WFDC9: variants seen among roughly 807,000 people sequenced by gnomAD.
WFDC9 encodes the protein protein WFDC9.
Under a neutral mutation model 9.5 loss-of-function variants are expected in WFDC9, and 9 were observed. That is an observed-to-expected ratio of 0.95 (90% CI 0.57 to 1.65). The LOEUF is 1.65. Among genes scored for constraint, WFDC9 ranks in the 40% most tolerant of loss-of-function variants. The pLI is 0.00. For synonymous variants in WFDC9, 33 were observed against 32.3 expected (o/e 1.02, Z -0.07); for missense variants, 87 against 106.7 (o/e 0.82, Z 0.81).
intron 1 of WFDC9, among the ~76,000 whole-genome samples, chr20:45,615,741 C>T (rs947622861): frequency 1.3e-5 from 2 of 151,606 alleles, no homozygotes; most frequent in Non-Finnish European, 1.5e-5. Context: ...AACTGTACCT[C>T]TTTCATATTC....
chr20:45,627,441 A>G (rs763325486), intron 1 of WFDC9, among the ~76,000 whole-genome samples: 4 of 152,176 alleles, frequency 2.6e-5, no homozygotes, highest in Non-Finnish European at 5.9e-5. Context: ...GTAAAGCCAT[A>G]TGGTTCTGGA....
intron 4 of WFDC9, among the ~76,000 whole-genome samples, chr20:45,608,348 C>G (rs1487320): frequency 0.45 from 67,628 of 151,858 alleles, 15,203 homozygotes; most frequent in Middle Eastern, 0.54. Context: ...GAGAGTAGAG[C>G]GCCCATGGAG....
At chr20:45,617,637 G>A (rs1485222295) in intron 1 of WFDC9, among the ~76,000 whole-genome samples, 1 of 152,110 alleles carries the variant, frequency 6.6e-6, no homozygotes, top group Non-Finnish European at 1.5e-5. Context: ...TAGGACTACA[G>A]ACACACACCA....
Position 45,610,158 on chromosome 20 carries a change from G to A in WFDC9, c.24C>T (p.Leu8=), listed in dbSNP as rs763465279. The change falls in exon 3 of 5, where the codon CTC becomes CTT. Residue 8 remains leucine, a synonymous_variant. Coordinates refer to ENST00000326000, the MANE Select transcript of WFDC9 (RefSeq NM_147198.4). ...TCACAACTCCAGAGATGAACATGAC[G>A]AGTAGAAGAATCCAGGGCTTCATGG... MKPWILL[L]VMFISGVVML... The A allele has an allele frequency of 1.4e-5, 23 of 1,614,052 alleles. No homozygotes were observed. Among genetic ancestry groups the A allele is most frequent in the Admixed American group, 5.0e-5 (3 of 60,010 alleles).
rs865790720 is a variant in WFDC9 at position 45,608,094 on chromosome 20, G to T, written c.*16C>A. 6.2e-7 allele frequency: 1 copy of T among 1,613,490 alleles called. No individual in the cohort carries two copies. The highest frequency in any genetic ancestry group is 1.1e-5 in the South Asian group (1 of 90,972). On this transcript the variant is annotated 3_prime_UTR_variant, in exon 5 of 5. Coordinates refer to ENST00000326000, the MANE Select transcript of WFDC9 (RefSeq NM_147198.4). ...TGGTCATCCTTCAGCCCACAGTAGT[G>T]ATCGGCCAATAGAATCTAGGGGTTT... is the stretch of plus-strand genomic sequence containing the variant.
intron 3 of WFDC9, among the ~76,000 whole-genome samples, chr20:45,609,474 T>A (rs6065844): frequency 0.088 from 13,373 of 152,132 alleles, 585 homozygotes; most frequent in African/African-American, 0.11. Flanking sequence ...GTGCTGGGAT[T>A]ACAGGTGTGA....
chr20:45,627,117 A>G (rs1224867976), intron 1 of WFDC9, among the ~76,000 whole-genome samples: 1 of 152,198 alleles, frequency 6.6e-6, no homozygotes. Context: ...GAAGTATCAC[A>G]TTTATTGATT....
chr20:45,630,953 G>C, intron 1 of WFDC9: 1 of 1,612,464 alleles, frequency 6.2e-7, no homozygotes, highest in Non-Finnish European at 8.5e-7. Context: ...ATCTCACCGA[G>C]ATTGTCAAGC....
At chr20:45,625,808 T>TTTTC (rs386393835) in intron 1 of WFDC9, among the ~76,000 whole-genome samples, 1 of 72,902 alleles carries the variant, frequency 1.4e-5, no homozygotes, top group Non-Finnish European at 2.5e-5. Flanking sequence ...TTCTCTATTC[T>TTTTC]TTTTTTTTTT....
intron 2 of WFDC9, among the ~76,000 whole-genome samples, chr20:45,611,346 G>T (rs73908165): frequency 6.6e-6 from 1 of 152,124 alleles, no homozygotes; most frequent in Non-Finnish European, 1.5e-5. Flanking sequence ...AGCTTCTGAG[G>T]GAGGGAGGAA....
chr20:45,628,921 T>C (rs1227503107), intron 1 of WFDC9, among the ~76,000 whole-genome samples: 1 of 152,126 alleles, frequency 6.6e-6, no homozygotes, highest in Non-Finnish European at 1.5e-5. Flanking sequence ...AGAAGAAACA[T>C]CTTCACTTCT....
intron 1 of WFDC9, chr20:45,630,047 C>A: frequency 8.4e-7 from 1 of 1,193,090 alleles, no homozygotes; most frequent in Non-Finnish European, 1.2e-6. Flanking sequence ...TCTGGACTGT[C>A]CCTAAACCAT....
At chr20:45,629,785 G>T in intron 1 of WFDC9, 1 of 1,608,956 alleles carries the variant, frequency 6.2e-7, no homozygotes. Context: ...AACCTGGCCA[G>T]ACATAGGGCT....
chr20:45,629,064 T>C (rs191185548), intron 1 of WFDC9, among the ~76,000 whole-genome samples: 39 of 152,312 alleles, frequency 2.6e-4, no homozygotes, highest in Admixed American at 2.2e-3. Context: ...CACTAGCCCT[T>C]CTGTCCCATG....
At chr20:45,630,568 T>A (rs947045834) in intron 1 of WFDC9, among the ~76,000 whole-genome samples, 3 of 152,122 alleles carry the variant, frequency 2.0e-5, no homozygotes, top group Non-Finnish European at 4.4e-5. Context: ...GATTCTTTGG[T>A]GGTGACTTCA....
At chr20:45,614,526 T>G (rs1238241420) in intron 2 of WFDC9, 102 bp downstream of exon 2, 2 of 152,116 alleles carry the variant, frequency 1.3e-5, no homozygotes, top group Non-Finnish European at 2.9e-5. Context: ...AAAGAAACAA[T>G]AATCCCTACC....
At chr20:45,609,366 G>A (rs1167701793) in intron 3 of WFDC9, among the ~76,000 whole-genome samples, 1 of 152,000 alleles carries the variant, frequency 6.6e-6, no homozygotes, top group African/African-American at 2.4e-5. Flanking sequence ...ACCATGCCTG[G>A]CTAATTTTTT....
chr20:45,608,097 C>T lies in WFDC9; in HGVS notation c.*13G>A, dbSNP rs770081846. The T allele has an allele frequency of 8.1e-6, 13 of 1,613,164 alleles. No individual in the cohort carries two copies. The Admixed American group carries it at 1.0e-4, about 12-fold the overall frequency. On this transcript the variant is annotated 3_prime_UTR_variant, in exon 5 of 5. Transcript: ENST00000326000. ...TCATCCTTCAGCCCACAGTAGTGATCGGCCAATAGAATCTAGGGGTTTAGC... is the reference window on the plus strand; with the variant it reads ...TCATCCTTCAGCCCACAGTAGTGATTGGCCAATAGAATCTAGGGGTTTAGC...
chr20:45,621,624 T>C (rs1982102407), intron 1 of WFDC9, among the ~76,000 whole-genome samples: 1 of 152,188 alleles, frequency 6.6e-6, no homozygotes, highest in South Asian at 2.1e-4. Flanking sequence ...GGAATTTTGG[T>C]ACATGCTAGG....
Sources: gnomAD v4.1 joint callset for allele counts (sites outside exome capture counted in the v4.1 genomes callset) on GRCh38, gnomAD v4.1.1 for gene constraint, MANE v1.5 for transcripts, NCBI Gene and HGNC (gene_info 2026-07-23, HGNC 2026-07-21) for gene names.